The following TENM2 variants were observed in gnomAD, a reference collection of about 807,000 sequenced individuals.
The protein encoded by TENM2 is teneurin-2.
A neutral mutation model predicts 245.2 loss-of-function variants in TENM2; 52 were observed. The ratio of observed to expected loss-of-function variants is 0.21; its 90% confidence interval spans 0.17 to 0.27. The LOEUF (loss-of-function observed/expected upper bound fraction) is 0.27, where lower values mean the gene tolerates loss of function less well. Ranked by LOEUF, TENM2 falls within the 10% of genes least tolerant of loss-of-function variation. The pLI is 1.00. For missense variants in TENM2, 3,046 were observed against 3,666.8 expected, an observed-to-expected ratio of 0.83 and a Z score of 4.37; for synonymous variants, 1,363 against 1,438.9, an observed-to-expected ratio of 0.95 and a Z score of 1.19.
intron 2 of TENM2, among the ~76,000 whole-genome samples, chr5:167,576,844 G>A (rs1052560015): frequency 3.3e-5 from 5 of 152,056 alleles, no homozygotes; most frequent in South Asian, 2.1e-4. Context: ...AGATCTACCC[G>A]TAAAAAACAA....
At chr5:167,284,843 T>C (rs747134802) in exon 1 of TENM2, 1 of 1,550,696 alleles carries the variant, frequency 6.4e-7, no homozygotes, top group African/African-American at 1.4e-5. Flanking sequence ...GAATAATGGA[T>C]GTAAAGGACC....
In TENM2 at chr5:167,802,449, A is replaced by G. The variant is rs144767930; in HGVS notation, c.503-73537A>G. Reference sequence around the variant, plus strand: ...GAAGTGTTAAATGAGCTGATGATGTACAATAACCCTGCTAAGAGCCTAGAA... The same window carrying G: ...GAAGTGTTAAATGAGCTGATGATGTGCAATAACCCTGCTAAGAGCCTAGAA... On this transcript the variant is annotated intron_variant, in intron 2 of 28. Coordinates refer to ENST00000518659, the Ensembl canonical transcript of TENM2. Among the ~76,000 whole-genome samples the G allele has an allele frequency of 2.3e-3, 354 of 152,300 alleles. 3 individuals are homozygous for G. Among genetic ancestry groups the G allele is most frequent in the African/African-American group, 8.3e-3 (344 of 41,562 alleles).
chr5:167,556,481 C>G (rs773892664), intron 2 of TENM2, among the ~76,000 whole-genome samples: 1 of 150,720 alleles, frequency 6.6e-6, no homozygotes, highest in Admixed American at 6.6e-5. Flanking sequence ...TTTGCTTATT[C>G]TAGTTGTGTT....
At position 168,189,570 on chromosome 5, in the gene TENM2, C is replaced by T. The variant is rs151084226; in HGVS notation, c.2570-767C>T. 3.5e-4 allele frequency among the ~76,000 whole-genome samples: 54 copies of T among 152,246 alleles called. No homozygotes were observed. The East Asian group carries it at 7.5e-3, about 21-fold the overall frequency. On this transcript the variant is annotated intron_variant, in intron 13 of 28. Coordinates refer to ENST00000518659, the Ensembl canonical transcript of TENM2. ...AGGAAGACAGAACCAGAAACTACTG[C>T]GGAAACTGCAGGCTTAATTTCCAGA...
At chr5:168,019,160 T>G (rs1785923981) in intron 5 of TENM2, among the ~76,000 whole-genome samples, 1 of 152,290 alleles carries the variant, frequency 6.6e-6, no homozygotes, top group Admixed American at 6.5e-5. Context: ...CACGTATCAT[T>G]AACACTGGAG....
intron 1 of TENM2, among the ~76,000 whole-genome samples, chr5:167,288,507 G>C (rs1242387949): frequency 2.7e-5 from 4 of 150,522 alleles, no homozygotes; most frequent in African/African-American, 4.9e-5. Flanking sequence ...TGCAGTGAGC[G>C]GAGATCGCGC....
At chr5:167,102,430 A>C in the TENM2 span, among the ~76,000 whole-genome samples, 1 of 152,108 alleles carries the variant, frequency 6.6e-6, no homozygotes, top group Admixed American at 6.6e-5. Flanking sequence ...AAGGACCCTG[A>C]GTCTTGCAAG....
At chr5:168,056,056 A>G (rs1419611021) in intron 6 of TENM2, among the ~76,000 whole-genome samples, 1 of 152,112 alleles carries the variant, frequency 6.6e-6, no homozygotes, top group Non-Finnish European at 1.5e-5. Flanking sequence ...CTTGTGAGGG[A>G]CTCACCATAT....
At chr5:167,611,501 A>C (rs1013410999) in intron 2 of TENM2, among the ~76,000 whole-genome samples, 2 of 152,086 alleles carry the variant, frequency 1.3e-5, no homozygotes, top group Admixed American at 1.3e-4. Flanking sequence ...TACTTGAGCA[A>C]GGTGGGGTTG....
chr5:168,048,041 C>T (rs1360697161), intron 6 of TENM2, among the ~76,000 whole-genome samples: 1 of 152,164 alleles, frequency 6.6e-6, no homozygotes. Context: ...GAGAAAGGCT[C>T]AGAGCTGCTG....
Position 167,445,332 on chromosome 5 carries a change from T to TAGAGAG in TENM2, c.502+69860_502+69861insGAGAGA, listed in dbSNP as rs71591182. On this transcript the variant is annotated intron_variant, in intron 2 of 28. Coordinates refer to ENST00000518659, the Ensembl canonical transcript of TENM2. ...ATGATTATATATATATATATATATATATATAGAGAGAGAGAGAGAGAGAGA... is the reference window on the plus strand; with the variant it reads ...ATGATTATATATATATATATATATATAGAGAGATATAGAGAGAGAGAGAGAGAGAGA... Among the ~76,000 whole-genome samples, 202 of 76,902 alleles carry TAGAGAG rather than the reference T, an allele frequency of 2.6e-3. 1 individual carries two copies. Among genetic ancestry groups the TAGAGAG allele is most frequent in the Middle Eastern group, 8.5e-3 (1 of 118 alleles). The allele number at this position is 76,902 out of a possible 152,430, so 50.5% of individuals were successfully genotyped here.
At chr5:167,401,562 G>C (rs1762367890) in intron 2 of TENM2, among the ~76,000 whole-genome samples, 1 of 152,114 alleles carries the variant, frequency 6.6e-6, no homozygotes, top group Non-Finnish European at 1.5e-5. Context: ...TAAAAATGTA[G>C]TGCCTCTGCA....
intron 2 of TENM2, among the ~76,000 whole-genome samples, chr5:167,446,295 G>A (rs1351152022): frequency 1.3e-5 from 2 of 151,918 alleles, no homozygotes; most frequent in Non-Finnish European, 2.9e-5. Context: ...AGACCAGGCT[G>A]AAAAATCTTG....
At chr5:167,366,053 TACAC>T (rs1043995809) in intron 1 of TENM2, among the ~76,000 whole-genome samples, 33 of 151,910 alleles carry the variant, frequency 2.2e-4, no homozygotes, top group East Asian at 3.9e-4. Flanking sequence ...ACTAAAAACA[TACAC>T]AGACAGTAGG....
chr5:167,418,289 A>G (rs2127417733), intron 2 of TENM2, among the ~76,000 whole-genome samples: 1 of 150,962 alleles, frequency 6.6e-6, no homozygotes, highest in East Asian at 2.0e-4. Flanking sequence ...AGATTGTGCC[A>G]TTGCAACAAG....
chr5:167,596,099 TATG>T (rs1385362102), intron 2 of TENM2, among the ~76,000 whole-genome samples: 3 of 152,200 alleles, frequency 2.0e-5, no homozygotes, highest in Admixed American at 6.5e-5. Context: ...GTCCTCTTCA[TATG>T]ATGGCAAGTT....
chr5:167,334,202 C>G (rs1435953760), intron 1 of TENM2, among the ~76,000 whole-genome samples: 1 of 152,138 alleles, frequency 6.6e-6, no homozygotes, highest in Non-Finnish European at 1.5e-5. Context: ...AAGTAGCTTA[C>G]TAAAGTTCAC....
intron 2 of TENM2, among the ~76,000 whole-genome samples, chr5:167,847,637 C>T (rs1219074410): frequency 6.6e-6 from 1 of 152,204 alleles, no homozygotes; most frequent in East Asian, 1.9e-4. Context: ...CGCATCTCCA[C>T]CATTTGCCCA....
At chr5:167,571,817 T>C (rs2127661597) in intron 2 of TENM2, among the ~76,000 whole-genome samples, 1 of 152,306 alleles carries the variant, frequency 6.6e-6, no homozygotes, top group Admixed American at 6.5e-5. Context: ...TGGCAGAAAA[T>C]TCTCAGTCCA....
Sources: allele counts gnomAD v4.1 joint callset (sites outside exome capture counted in the v4.1 genomes callset), GRCh38; gene constraint gnomAD v4.1.1; transcripts MANE v1.5; gene names NCBI Gene and HGNC (gene_info 2026-07-23, HGNC 2026-07-21).